The following PRDM16 variants were observed in gnomAD, a reference collection of about 807,000 sequenced individuals.
PRDM16 encodes the protein histone-lysine N-methyltransferase PRDM16.
PRDM16 carries 23 observed loss-of-function variants against 110.6 expected under a neutral mutation model. The ratio of observed to expected loss-of-function variants is 0.21; its 90% CI spans 0.15 to 0.29. The LOEUF (loss-of-function observed/expected upper bound fraction) is 0.29. Ranked by LOEUF, PRDM16 falls within the 10% of genes least tolerant of loss-of-function variation. The probability of loss-of-function intolerance (pLI) is 1.00; values close to 1 mark genes in which losing one functional copy is unlikely to be tolerated. For missense variants in PRDM16, 1,615 were observed against 1,794.3 expected (o/e 0.90, Z 1.81); for synonymous variants, 799 against 781.8 (o/e 1.02, Z -0.37).
intron 2 of PRDM16, among the ~76,000 whole-genome samples, chr1:3,210,856 G>GAT (rs1185183840): frequency 1.3e-5 from 2 of 152,044 alleles, no homozygotes; most frequent in Non-Finnish European, 2.9e-5. Context: ...ACTCATTAGA[G>GAT]ATATATCTGT....
intron 3 of PRDM16, among the ~76,000 whole-genome samples, chr1:3,269,793 A>AGGAGGAGCATAATCCTG (rs1213032232): frequency 0.088 from 8,909 of 101,766 alleles, 2,776 homozygotes; most frequent in African/African-American, 0.27. Flanking sequence ...GGAAAGTCTC[A>AGGAGGAGCATAATCCTG]GAGGAGGACA....
At chr1:3,416,368 G>C (rs1638262628) in intron 10 of PRDM16, among the ~76,000 whole-genome samples, 1 of 152,194 alleles carries the variant, frequency 6.6e-6, no homozygotes, top group African/African-American at 2.4e-5. Flanking sequence ...AGTTTTGTTT[G>C]CTAGTGGGCA....
rs188769570 is a variant in PRDM16 at position 3,259,590 on chromosome 1, C to A, written c.438+15453C>A. On this transcript the variant is annotated intron_variant, in intron 3 of 16. Transcript: ENST00000270722. Reference sequence around the variant, plus strand: ...GCAGTAAGCGGCAAATCAGGCCCCCCCAAGAAAGCCCTGAAACCCAGACCA... The same window carrying A: ...GCAGTAAGCGGCAAATCAGGCCCCCACAAGAAAGCCCTGAAACCCAGACCA... Among the ~76,000 whole-genome samples the A allele has an allele frequency of 4.2e-4, 64 of 152,342 alleles. 2 individuals carry two copies. The highest frequency in any genetic ancestry group is 3.3e-3 in the Admixed American group (51 of 15,302).
At chr1:3,270,019 G>A (rs1425117497) in intron 3 of PRDM16, among the ~76,000 whole-genome samples, 1 of 150,124 alleles carries the variant, frequency 6.7e-6, no homozygotes, top group African/African-American at 2.5e-5. Flanking sequence ...GAGGAGGACA[G>A]TCAGGGAGGA....
At chr1:3,399,100 A>G (rs188072427) in intron 5 of PRDM16, among the ~76,000 whole-genome samples, 4 of 152,370 alleles carry the variant, frequency 2.6e-5, no homozygotes, top group Admixed American at 2.6e-4. Flanking sequence ...TTTTACACTT[A>G]CAATGAAGAG....
Position 3,145,702 on chromosome 1 carries a change from C to T in PRDM16, c.38-40423C>T, listed in dbSNP as rs572879100. On this transcript the variant is annotated intron_variant, in intron 1 of 16. Transcript: ENST00000270722. ...CCCGCCCCACCCGCTCCCGGTCTCT[C>T]ACTTCCACCCCTGTAGAAAGCGCTC... Among the ~76,000 whole-genome samples, 8 of 152,344 alleles carry T rather than the reference C, an allele frequency of 5.3e-5. No homozygotes were observed. In the East Asian group the frequency reaches 1.5e-3, roughly 29 times the overall value.
At position 3,430,919 on chromosome 1, in the gene PRDM16, C is replaced by A; in HGVS notation, c.3332C>A (p.Ala1111Asp). 6.2e-7 allele frequency: 1 copy of A among 1,614,078 alleles called. No individual in the cohort carries two copies. The highest frequency in any genetic ancestry group is 8.5e-7 in the Non-Finnish European group (1 of 1,180,002). ...VDGSAQCPGL[A>D]SEKQEDVEEE... is the part of the protein sequence containing the mutation. ...GGCAGTGCCCAGTGTCCAGGCCTAG[C>A]CAGTGAGAAGCAGGAGGACGTGGAG... Residue 1111 changes from alanine to aspartate, a missense_variant, in exon 15 of 17, where the codon GCC (alanine) becomes GAC (aspartate). Coordinates refer to ENST00000270722, the MANE Select transcript of PRDM16 (RefSeq NM_022114.4).
At position 3,333,545 on chromosome 1, in the gene PRDM16, C is replaced by G. The variant is rs75605886; in HGVS notation, c.439-51607C>G. The stretch of plus-strand genomic sequence containing the variant: ...GCACGGTGAGGGAGGAAAGATCTGC[C>G]CCTTTGATGAGCACAGACGTCTCTC... On this transcript the variant is annotated intron_variant, in intron 3 of 16. Coordinates refer to ENST00000270722, the MANE Select transcript of PRDM16 (RefSeq NM_022114.4). Among the ~76,000 whole-genome samples, 1,124 of 152,212 alleles carry G rather than the reference C, an allele frequency of 7.4e-3. 18 individuals carry two copies. Among genetic ancestry groups the G allele is most frequent in the African/African-American group, 0.026 (1,066 of 41,524 alleles).
rs1639728184 is a variant in PRDM16, at chr1:3,243,829, T to TCCATCCCTGGAGTGCAGTGTTTCC, written c.388-257_388-234dup. 1.3e-5 allele frequency among the ~76,000 whole-genome samples: 2 copies of TCCATCCCTGGAGTGCAGTGTTTCC among 152,142 alleles called. No homozygotes were observed. The highest frequency in any genetic ancestry group is 2.9e-5 in the Non-Finnish European group (2 of 68,034). ...GCCAGAGTGAGCTACACAGTGTGTC[T>TCCATCCCTGGAGTGCAGTGTTTCC]CCATCCCTGGAGTGCAGTGTTTCCA... is the stretch of plus-strand genomic sequence containing the variant. On this transcript the variant is annotated intron_variant, in intron 2 of 16. Transcript: ENST00000270722. This position sits in a 1 kb window ranked among gnomAD's most constrained non-coding sequence, Gnocchi z 5.5.
chr1:3,393,301 G>C (rs568786542), intron 4 of PRDM16, among the ~76,000 whole-genome samples: 1 of 152,344 alleles, frequency 6.6e-6, no homozygotes, highest in East Asian at 1.9e-4. Flanking sequence ...CTTCCTTTCC[G>C]GCGGCCAGTC....
intron 3 of PRDM16, among the ~76,000 whole-genome samples, chr1:3,302,028 T>C (rs1002504530): frequency 6.6e-6 from 1 of 152,200 alleles, no homozygotes; most frequent in African/African-American, 2.4e-5. Flanking sequence ...CGGTTCATTC[T>C]CATTATGCTC....
chr1:3,128,603 G>A (rs566495615), intron 1 of PRDM16, among the ~76,000 whole-genome samples: 16 of 152,272 alleles, frequency 1.1e-4, no homozygotes, highest in African/African-American at 2.4e-4. Context: ...GAGGGTGATC[G>A]GCCACGGTGA....
At chr1:3,371,988 G>A (rs544776056) in intron 3 of PRDM16, among the ~76,000 whole-genome samples, 39 of 152,332 alleles carry the variant, frequency 2.6e-4, no homozygotes, top group Non-Finnish European at 4.4e-4. Flanking sequence ...GAGAATAAGC[G>A]GATGAGAAGA....
intron 1 of PRDM16, among the ~76,000 whole-genome samples, chr1:3,131,611 T>A (rs1643336514): frequency 6.6e-6 from 1 of 152,228 alleles, no homozygotes; most frequent in Non-Finnish European, 1.5e-5. Context: ...ATAATGACAG[T>A]TCTAGCAACC....
At position 3,382,356 on chromosome 1, in the gene PRDM16, G is replaced by A. The variant is rs778452812; in HGVS notation, c.439-2796G>A. ...TTGGGCTGGCCCTGGACTTGGGCAG[G>A]GCAGGCAGTGACCTCCCTGGACAGC... On this transcript the variant is annotated intron_variant, in intron 3 of 16. Transcript: ENST00000270722. The surrounding 1 kb of genome is among the most constrained non-coding windows in gnomAD (Gnocchi z 6.6). Among the ~76,000 whole-genome samples the A allele has an allele frequency of 4.6e-5, 7 of 152,166 alleles. No individual in the cohort carries two copies. Among genetic ancestry groups the A allele is most frequent in the Non-Finnish European group, 1.0e-4 (7 of 68,020 alleles).
At chr1:3,291,667 TGAAGCACCC>T (rs1309787170) in intron 3 of PRDM16, among the ~76,000 whole-genome samples, 1 of 152,242 alleles carries the variant, frequency 6.6e-6, no homozygotes, top group African/African-American at 2.4e-5. Context: ...CTGAATGCTA[TGAAGCACCC>T]GTGTTGGGTC....
chr1:3,145,180 C>T (rs924329794), intron 1 of PRDM16, among the ~76,000 whole-genome samples: 9 of 152,188 alleles, frequency 5.9e-5, no homozygotes, highest in East Asian at 1.9e-4. Context: ...AGCAGGAAAC[C>T]GCCCCCACCC....
intron 1 of PRDM16, among the ~76,000 whole-genome samples, chr1:3,079,316 G>A (rs1036776735): frequency 3.3e-5 from 5 of 152,248 alleles, no homozygotes; most frequent in Non-Finnish European, 5.9e-5. Context: ...CCTGTCCCAC[G>A]CGCTGCCTGG....
Position 3,121,658 on chromosome 1 carries a change from A to G in PRDM16, c.37+52362A>G, listed in dbSNP as rs557240129. 2.6e-5 allele frequency among the ~76,000 whole-genome samples: 4 copies of G among 152,330 alleles called. No individual in the cohort carries two copies. The South Asian group carries it at 6.2e-4, about 24-fold the overall frequency. On this transcript the variant is annotated intron_variant, in intron 1 of 16. Coordinates refer to ENST00000270722, the MANE Select transcript of PRDM16 (RefSeq NM_022114.4). The stretch of plus-strand genomic sequence containing the variant: ...AACAGATGTGAGGCTGTGCCGAGGA[A>G]GGGGAGGACAGGGAACCAGCTGATT...
Sources: gnomAD v4.1 joint callset for allele counts (sites outside exome capture counted in the v4.1 genomes callset) on GRCh38, gnomAD v4.1.1 for gene constraint, Gnocchi (gnomAD v3.1) non-coding constraint, MANE v1.5 for transcripts, NCBI Gene and HGNC (gene_info 2026-07-23, HGNC 2026-07-21) for gene names.